Variants in LBP observed in about 807,000 individuals in gnomAD.
The protein encoded by LBP is lipopolysaccharide binding protein, also known as lipopolysaccharide-binding protein.
A neutral mutation model predicts 56.6 loss-of-function variants in LBP; 53 were observed. The observed-to-expected ratio is 0.94, with a 90% confidence interval of 0.75 to 1.18. LBP has a LOEUF of 1.18. Ranked by LOEUF, LBP falls within the 50% of genes most tolerant of loss-of-function variation. LBP has a pLI of 0.00. For synonymous variants in LBP, 227 were observed against 247.5 expected (o/e 0.92, Z 0.78); for missense variants, 601 against 598.3 (o/e 1.00, Z -0.05).
intron 5 of LBP, among the ~76,000 whole-genome samples, chr20:38,355,908 C>G (rs2076837301): frequency 6.6e-6 from 1 of 151,896 alleles, no homozygotes; most frequent in Non-Finnish European, 1.5e-5. Flanking sequence ...AGTGTATCAT[C>G]TTTGACTAAA....
chr20:38,355,355 G>T lies in LBP; in HGVS notation c.534G>T (p.Leu178Phe), dbSNP rs2232591. Residue 178 changes from leucine (L) to phenylalanine (F), a missense_variant, in exon 5 of 15, where the codon TTG (leucine) becomes TTT (phenylalanine). Transcript: ENST00000217407. ...VDMSGDLGWL[L>F]NLFHNQIESK... ...GTGCTTCTCTCCCCAGGTGGCTGTT[G>T]AACCTCTTCCACAACCAGATTGAGT... 155 of 1,613,780 alleles carry T rather than the reference G, an allele frequency of 9.6e-5. No individual in the cohort carries two copies. The East Asian group carries it at 2.7e-3, about 28-fold the overall frequency.
rs757936830 is a variant in LBP, at chr20:38,349,579, T to A, written c.156T>A (p.Ser52Arg). Residue 52 changes from serine (S) to arginine (R), a missense_variant, in exon 2 of 15, where the codon AGT (serine) becomes AGA (arginine). Physicochemically the swap from Ser to Arg is moderately radical, Grantham distance 110. Transcript: ENST00000217407. ...AGGAGGGGCTATTAGCTCTGCAGAG[T>A]GAGCTGCTCAGGATCACGCTGCCTG... ...AAQEGLLALQSELLRITLPDF... is the reference protein window; with the variant it reads ...AAQEGLLALQRELLRITLPDF... 6.2e-7 allele frequency: 1 copy of A among 1,609,658 alleles called. No homozygotes were observed. The highest frequency in any genetic ancestry group is 8.5e-7 in the Non-Finnish European group (1 of 1,177,874).
At chr20:38,369,207 T>C (rs983462112) in intron 10 of LBP, 45 bp downstream of exon 10, 5 of 1,556,020 alleles carry the variant, frequency 3.2e-6, no homozygotes, top group Non-Finnish European at 4.4e-6. Flanking sequence ...TTTCCCCACA[T>C]GCTTTTCCCT....
At position 38,348,787 on chromosome 20, in the gene LBP, A is replaced by AGTTTAGTTTAGTTTAGTTTT. The variant is rs1402944274; in HGVS notation, c.125-757_125-756insAGTTTAGTTTAGTTTTGTTT. ...AGTTTAGTTTAGTTTAGTTTAGTTT[A>AGTTTAGTTTAGTTTAGTTTT]GTTTTGTTTTGTTTTGTTTTGTTTG... On this transcript the variant is annotated intron_variant, in intron 1 of 14. Coordinates refer to ENST00000217407, the MANE Select transcript of LBP (RefSeq NM_004139.5). Among the ~76,000 whole-genome samples the AGTTTAGTTTAGTTTAGTTTT allele has an allele frequency of 7.1e-3, 963 of 135,472 alleles. 7 individuals carry two copies. The highest frequency in any genetic ancestry group is 0.016 in the East Asian group (71 of 4,544). The allele number at this position is 135,472 out of a possible 152,430, so 88.9% of individuals were successfully genotyped here. A position where few individuals can be genotyped will look rare whatever the true frequency, so the allele number is the denominator to read the frequency against.
At chr20:38,350,481 T>G (rs1193299122) in intron 2 of LBP, among the ~76,000 whole-genome samples, 1 of 152,130 alleles carries the variant, frequency 6.6e-6, no homozygotes, top group Non-Finnish European at 1.5e-5. Context: ...CTACGGACCT[T>G]CTCAGGATGC....
intron 8 of LBP, among the ~76,000 whole-genome samples, chr20:38,365,234 CAAAAAA>C (rs10627735): frequency 0.019 from 1,832 of 96,674 alleles, 50 homozygotes; most frequent in African/African-American, 0.068. Flanking sequence ...GACCCTGTCT[CAAAAAA>C]AAAAAAAAAA....
intron 6 of LBP, among the ~76,000 whole-genome samples, chr20:38,361,306 T>C (rs2076859288): frequency 6.6e-6 from 1 of 152,222 alleles, no homozygotes; most frequent in South Asian, 2.1e-4. Context: ...TGTAAGCATA[T>C]AAATAGACAT....
intron 10 of LBP, among the ~76,000 whole-genome samples, chr20:38,370,204 T>A (rs894586446): frequency 6.6e-6 from 1 of 152,012 alleles, no homozygotes; most frequent in African/African-American, 2.4e-5. Flanking sequence ...CAAGACTCCA[T>A]TGCTACAAAA....
chr20:38,358,513 T>C (rs1196232967), intron 5 of LBP, among the ~76,000 whole-genome samples: 2 of 152,154 alleles, frequency 1.3e-5, no homozygotes, highest in Non-Finnish European at 2.9e-5. Flanking sequence ...TTCAGGGAGA[T>C]GGATGGAGTT....
At chr20:38,376,566 T>G in intron 14 of LBP, 59 bp from the exon 15 acceptor site, 5 of 1,478,756 alleles carry the variant, frequency 3.4e-6, no homozygotes, top group Non-Finnish European at 3.8e-6. Flanking sequence ...CAATCGCAGA[T>G]GCATCTTTTT....
chr20:38,347,113 G>A (rs1420612695), intron 1 of LBP, among the ~76,000 whole-genome samples: 1 of 152,184 alleles, frequency 6.6e-6, no homozygotes, highest in African/African-American at 2.4e-5. Context: ...CATGAGGGAG[G>A]TCTGCCGGGG....
chr20:38,347,399 C>T (rs2076804773), intron 1 of LBP, among the ~76,000 whole-genome samples: 1 of 151,940 alleles, frequency 6.6e-6, no homozygotes, highest in African/African-American at 2.4e-5. Context: ...CAAAAATTAG[C>T]CAGTCTTGGT....
intron 9 of LBP, 21 bp downstream of exon 9, chr20:38,366,849 C>T: frequency 5.6e-6 from 9 of 1,608,626 alleles, no homozygotes; most frequent in Non-Finnish European, 7.7e-6. Context: ...CCTTAGTTCC[C>T]CATGAGTGCA....
rs760178470 is a variant in LBP, at chr20:38,373,995, T to TGGGCTGCAGATCCATAAGGTC, written c.1386_1401+5dup. ...TGAAGCGTGTTCAGCTCTACGACCT[T>TGGGCTGCAGATCCATAAGGTC]GGGCTGCAGATCCATAAGGTCGGTG... On this transcript the variant is annotated inframe_insertion, in exon 14 of 15. Coordinates refer to ENST00000217407, the MANE Select transcript of LBP (RefSeq NM_004139.5). The TGGGCTGCAGATCCATAAGGTC allele has an allele frequency of 1.8e-5, 29 of 1,614,062 alleles. 1 individual carries two copies. In the South Asian group the frequency reaches 3.1e-4, roughly 17 times the overall value.
In LBP at chr20:38,366,137, G is replaced by A. The variant is rs557162363; in HGVS notation, c.922-632G>A. On this transcript the variant is annotated intron_variant, in intron 8 of 14. Coordinates refer to ENST00000217407, the MANE Select transcript of LBP (RefSeq NM_004139.5). ...GAGGCCTCATGAATAATGTCAGGAT[G>A]GTGGGAGAAACAGTGTGGTTCGGCT... 3.3e-5 allele frequency among the ~76,000 whole-genome samples: 5 copies of A among 152,288 alleles called. No individual in the cohort carries two copies. The East Asian group carries it at 9.7e-4, about 29-fold the overall frequency.
intron 1 of LBP, among the ~76,000 whole-genome samples, chr20:38,347,073 C>T (rs2076803697): frequency 6.6e-6 from 1 of 152,156 alleles, no homozygotes; most frequent in Admixed American, 6.5e-5. Context: ...ATTGTGGTCA[C>T]CTCTAGAGGC....
At chr20:38,355,165 C>T (rs2076834219) in intron 4 of LBP, among the ~76,000 whole-genome samples, 181 bp from the exon 5 acceptor site, 2 of 152,228 alleles carry the variant, frequency 1.3e-5, no homozygotes, top group South Asian at 4.1e-4. Flanking sequence ...CGATTGGGTG[C>T]CGCAGGCACT....
rs1170930146 is a variant in LBP, at chr20:38,364,653, C to T, written c.822C>T (p.Asn274=). 1.2e-6 allele frequency: 2 copies of T among 1,614,008 alleles called. No homozygotes were observed. The highest frequency in any genetic ancestry group is 1.7e-5 in the Admixed American group (1 of 59,998). Residue 274 remains asparagine, a synonymous_variant, in exon 8 of 15, where the codon AAC becomes AAT. Coordinates refer to ENST00000217407, the MANE Select transcript of LBP (RefSeq NM_004139.5). ...AAVMSLPEEH[N]KMVYFAISDY... is the part of the protein sequence containing the mutation. The stretch of plus-strand genomic sequence containing the variant: ...TCATGAGCCTTCCTGAGGAACACAA[C>T]AAAATGGTCTACTTTGCCATCTCGG...
chr20:38,356,086 ACCC>A, intron 5 of LBP, among the ~76,000 whole-genome samples: 1 of 125,584 alleles, frequency 8.0e-6, no homozygotes, highest in Non-Finnish European at 1.7e-5. Context: ...CACACACCAC[ACCC>A]CACACACACT....
Sources: gnomAD v4.1 joint callset for allele counts (sites outside exome capture counted in the v4.1 genomes callset) on GRCh38, gnomAD v4.1.1 for gene constraint, MANE v1.5 for transcripts, NCBI Gene and HGNC (gene_info 2026-07-23, HGNC 2026-07-21) for gene names.